Variants in CPNE4 observed in about 807,000 individuals in gnomAD.
CPNE4 encodes the protein copine-4.
A neutral mutation model predicts 67.9 loss-of-function variants in CPNE4; 25 were observed. That is an observed-to-expected ratio of 0.37 (90% CI 0.27 to 0.51). The LOEUF is 0.51. CPNE4 is among the 20% of genes least tolerant of loss of function. The pLI, the probability that CPNE4 is intolerant of heterozygous loss-of-function variation, is 0.93. For synonymous variants in CPNE4, 242 were observed against 244.9 expected (o/e 0.99, Z 0.11); for missense variants, 464 against 690.8 (o/e 0.67, Z 3.68).
intron 7 of CPNE4, among the ~76,000 whole-genome samples, chr3:131,630,886 T>C (rs1034007886): frequency 6.6e-6 from 1 of 152,190 alleles, no homozygotes; most frequent in African/African-American, 2.4e-5. Context: ...GCTCAGCAGA[T>C]AGGAGAATCA....
At chr3:131,683,846 G>A (rs568685961) in intron 6 of CPNE4, among the ~76,000 whole-genome samples, 2 of 152,192 alleles carry the variant, frequency 1.3e-5, no homozygotes, top group Non-Finnish European at 2.9e-5. Flanking sequence ...ACTGATGTGA[G>A]TGATTCCCTC....
At chr3:131,822,827 C>G (rs1429688726) in intron 2 of CPNE4, among the ~76,000 whole-genome samples, 1 of 151,964 alleles carries the variant, frequency 6.6e-6, no homozygotes, top group East Asian at 1.9e-4. Context: ...CACTTCTTTC[C>G]TTTTTATTTT....
At chr3:131,598,677 T>C (rs914184137) in intron 7 of CPNE4, among the ~76,000 whole-genome samples, 1 of 152,238 alleles carries the variant, frequency 6.6e-6, no homozygotes, top group Non-Finnish European at 1.5e-5. Flanking sequence ...CTTTTCACTA[T>C]ACCACATAGC....
intron 1 of CPNE4, among the ~76,000 whole-genome samples, chr3:131,967,073 A>G (rs2072371565): frequency 6.6e-6 from 1 of 152,174 alleles, no homozygotes; most frequent in Non-Finnish European, 1.5e-5. Context: ...TTCAACATAC[A>G]CAAATCAATA....
intron 6 of CPNE4, among the ~76,000 whole-genome samples, chr3:131,676,029 C>CTATTATTA (rs1553751204): frequency 7.2e-6 from 1 of 138,512 alleles, no homozygotes; most frequent in Non-Finnish European, 1.5e-5. Context: ...ATGTTATAAC[C>CTATTATTA]TATTATTATT....
intron 7 of CPNE4, among the ~76,000 whole-genome samples, chr3:131,625,314 A>T (rs1411447241): frequency 6.6e-6 from 1 of 152,162 alleles, no homozygotes; most frequent in African/African-American, 2.4e-5. Context: ...GGCCTCTATT[A>T]TGTATCATAA....
At chr3:131,606,377 C>A (rs1242497002) in intron 7 of CPNE4, among the ~76,000 whole-genome samples, 1 of 152,130 alleles carries the variant, frequency 6.6e-6, no homozygotes, top group African/African-American at 2.4e-5. Flanking sequence ...TACTCCTAAC[C>A]AATCATACAT....
At chr3:131,765,811 G>T (rs899983080) in intron 2 of CPNE4, among the ~76,000 whole-genome samples, 1 of 152,088 alleles carries the variant, frequency 6.6e-6, no homozygotes, top group African/African-American at 2.4e-5. Flanking sequence ...CAAGAAGGCT[G>T]CAAGGAAAAA....
chr3:131,921,890 A>G (rs986610525), intron 1 of CPNE4, among the ~76,000 whole-genome samples: 1 of 152,124 alleles, frequency 6.6e-6, no homozygotes, highest in Non-Finnish European at 1.5e-5. Flanking sequence ...GAGAAGAGAG[A>G]AGAGAGGTAA....
intron 2 of CPNE4, among the ~76,000 whole-genome samples, chr3:131,745,083 C>G (rs2082455719): frequency 1.3e-5 from 2 of 152,294 alleles, no homozygotes; most frequent in South Asian, 4.1e-4. Flanking sequence ...CTCCAAATCT[C>G]CAACAGCATT....
chr3:132,029,049 T>C (rs1306196732), intron 1 of CPNE4, among the ~76,000 whole-genome samples: 1 of 152,114 alleles, frequency 6.6e-6, no homozygotes, highest in Non-Finnish European at 1.5e-5. Context: ...CAACAATTAC[T>C]AGCCCCATTT....
chr3:131,747,131 T>C (rs957293535), intron 2 of CPNE4, among the ~76,000 whole-genome samples: 7 of 142,628 alleles, frequency 4.9e-5, no homozygotes, highest in South Asian at 2.2e-4. Flanking sequence ...TTTTTTTTTT[T>C]TCTCTTGTTG....
chr3:131,590,948 C>T (rs1166267808), intron 7 of CPNE4, among the ~76,000 whole-genome samples: 1 of 152,156 alleles, frequency 6.6e-6, no homozygotes, highest in African/African-American at 2.4e-5. Flanking sequence ...AGTTCTACCT[C>T]ATTTTTCAAT....
chr3:131,900,971 T>C (rs1373055361), intron 2 of CPNE4, among the ~76,000 whole-genome samples: 1 of 152,038 alleles, frequency 6.6e-6, no homozygotes, highest in Non-Finnish European at 1.5e-5. Context: ...TAAAATTCAA[T>C]GAAAAAATTG....
intron 2 of CPNE4, among the ~76,000 whole-genome samples, chr3:131,837,264 A>C (rs1355670496): frequency 6.6e-6 from 1 of 152,174 alleles, no homozygotes; most frequent in African/African-American, 2.4e-5. Flanking sequence ...AAACCTGTAC[A>C]TAAATGTTCA....
chr3:131,650,048 A>T (rs1016870319), intron 7 of CPNE4, among the ~76,000 whole-genome samples: 1 of 152,114 alleles, frequency 6.6e-6, no homozygotes, highest in African/African-American at 2.4e-5. Flanking sequence ...TGTTTCTTAG[A>T]AGACAGACGC....
intron 1 of CPNE4, among the ~76,000 whole-genome samples, chr3:131,955,261 T>G (rs916795665): frequency 6.6e-6 from 1 of 152,042 alleles, no homozygotes; most frequent in African/African-American, 2.4e-5. Context: ...AGCTTTTGGA[T>G]TCCCTCCTTC....
chr3:131,930,829 TG>T (rs2071039950), intron 1 of CPNE4, among the ~76,000 whole-genome samples: 1 of 152,082 alleles, frequency 6.6e-6, no homozygotes, highest in African/African-American at 2.4e-5. Context: ...TATTGAATAG[TG>T]GGGAGCTCTC....
chr3:131,977,713 G>A (rs1366247037), intron 1 of CPNE4, among the ~76,000 whole-genome samples: 1 of 151,644 alleles, frequency 6.6e-6, no homozygotes, highest in Non-Finnish European at 1.5e-5. Context: ...AAGTTACAGG[G>A]GTACAGGTGA....
Sources: allele counts gnomAD v4.1 joint callset (sites outside exome capture counted in the v4.1 genomes callset), GRCh38; gene constraint gnomAD v4.1.1; transcripts MANE v1.5; gene names NCBI Gene and HGNC (gene_info 2026-07-23, HGNC 2026-07-21).